LRP1: variants seen among roughly 807,000 people sequenced by gnomAD.
LRP1 encodes LDL receptor related protein 1.
In LRP1, 51 loss-of-function variants were observed where a neutral mutation model predicts 541.5. The observed-to-expected ratio is 0.09, with a 90% CI of 0.08 to 0.12. The LOEUF is 0.12. LRP1 is among the 10% of genes least tolerant of loss of function. The probability of loss-of-function intolerance (pLI) is 1.00; values close to 1 mark genes in which losing one functional copy is unlikely to be tolerated. For synonymous variants in LRP1, 2,219 were observed against 2,470.8 expected (o/e 0.90, Z 3.02); for missense variants, 3,878 against 6,376.2 (o/e 0.61, Z 13.34).
Position 57,159,972 on chromosome 12 carries a change from A to G in LRP1, c.1946A>G (p.His649Arg), listed in dbSNP as rs1592619304. The change falls in exon 12 of 89, where the codon CAC (histidine) becomes CGC (arginine). Residue 649 changes from histidine (H) to arginine (R), a missense_variant. Coordinates refer to ENST00000243077, the MANE Select transcript of LRP1 (RefSeq NM_002332.3). ...ACTTTAATCGAGGGCAAAATGACAC[A>G]CCCCAGGGCTATTGTGGTGGATCCA... ...RKTLIEGKMT[H>R]PRAIVVDPLN... is the part of the protein sequence containing the mutation. 1 of 1,613,872 alleles carries G rather than the reference A, an allele frequency of 6.2e-7. No individual in the cohort carries two copies. The highest frequency in any genetic ancestry group is 8.5e-7 in the Non-Finnish European group (1 of 1,179,952).
chr12:57,155,162 C>T (rs996947910), intron 8 of LRP1: 8 of 266,038 alleles, frequency 3.0e-5, no homozygotes, highest in African/African-American at 1.8e-4. Flanking sequence ...CTAGGACTGT[C>T]CCAGTTTTAG....
intron 1 of LRP1, among the ~76,000 whole-genome samples, chr12:57,134,360 C>T (rs988455585): frequency 5.3e-5 from 8 of 152,186 alleles, no homozygotes; most frequent in Non-Finnish European, 7.3e-5. Context: ...TCTGAGGAGC[C>T]CTGAAGGCCA....
intron 43 of LRP1, 112 bp from the exon 44 acceptor site, chr12:57,191,208 C>T: frequency 8.3e-7 from 1 of 1,197,982 alleles, no homozygotes; most frequent in Non-Finnish European, 1.2e-6. Context: ...AGCAGGATGC[C>T]TCTGCGGGCC....
In LRP1 at chr12:57,164,457, G is replaced by A. The variant is rs554495713; in HGVS notation, c.2531-1348G>A. On this transcript the variant is annotated intron_variant, in intron 15 of 88. Coordinates refer to ENST00000243077, the MANE Select transcript of LRP1 (RefSeq NM_002332.3). ...TAAATTTCACGTAATTTACTCAACC[G>A]TTTCTCTACTGTTGGATGTTTAGGT... 5.3e-5 allele frequency: 8 copies of A among 152,226 alleles called. No homozygotes were observed. In the East Asian group the frequency reaches 5.8e-4, roughly 11 times the overall value. The allele number at this position is 152,226 out of a possible 1,614,324, so 9.4% of individuals were successfully genotyped here.
chr12:57,212,284 T>C lies in LRP1; in HGVS notation c.13494+23T>C. 1.2e-6 allele frequency: 2 copies of C among 1,612,182 alleles called. No individual in the cohort carries two copies. The highest frequency in any genetic ancestry group is 1.1e-5 in the South Asian group (1 of 90,966). ...AAGGTGGGCTGGGAGGCGGGCAGGG[T>C]CGAGTGCCAAGAGGCCGTGGGTGGC... On this transcript the variant is annotated intron_variant, in intron 88 of 88. Transcript: ENST00000243077. This position sits in a 1 kb window ranked among gnomAD's most constrained non-coding sequence, Gnocchi z 5.0.
At position 57,201,883 on chromosome 12, in the gene LRP1, G is replaced by A. The variant is rs765166560; in HGVS notation, c.10572G>A (p.Ser3524=). 6.2e-6 allele frequency: 10 copies of A among 1,614,032 alleles called. No individual in the cohort carries two copies. Among genetic ancestry groups the A allele is most frequent in the South Asian group, 2.2e-5 (2 of 91,080 alleles). The part of the protein sequence containing the change: ...CDGEDDCGDG[S]DEPKEECDER... ...GAGAGGATGACTGTGGGGATGGCTC[G>A]GATGAGCCCAAGGAAGAGTGTGGTG... Residue 3524 remains serine (S), a synonymous_variant, in exon 67 of 89, where the codon TCG becomes TCA. Coordinates refer to ENST00000243077, the MANE Select transcript of LRP1 (RefSeq NM_002332.3). This position sits in a 1 kb window ranked among gnomAD's most constrained non-coding sequence, Gnocchi z 6.4.
chr12:57,193,813 C>A, intron 47 of LRP1, 86 bp from the exon 48 acceptor site: 1 of 1,590,628 alleles, frequency 6.3e-7, no homozygotes, highest in Non-Finnish European at 8.6e-7. Context: ...AGGGCAGGTG[C>A]TGTGGGCCAG....
intron 19 of LRP1, 63 bp from the exon 20 acceptor site, chr12:57,169,077 A>G (rs2035894323): frequency 6.7e-7 from 1 of 1,489,334 alleles, no homozygotes. Context: ...CCAAGCTGGG[A>G]TCACAGAGAA....
chr12:57,210,719 C>T lies in LRP1; in HGVS notation c.12756C>T (p.Gly4252=), dbSNP rs1224176472. The T allele has an allele frequency of 6.2e-7, 1 of 1,607,834 alleles. No homozygotes were observed. The change falls in exon 83 of 89, where the codon GGC becomes GGT. Residue 4252 remains glycine (G), a splice_region_variant and synonymous_variant. Transcript: ENST00000243077. ...NGGTCAASPS[G]MPTCRCPTGF... ...CGCTCACACATCCTCTCCCACCAGG[C>T]ATGCCCACGTGCCGGTGCCCCACGG...
In LRP1 at chr12:57,190,737, C is replaced by T. The variant is rs540760613; in HGVS notation, c.7032-68C>T. 1.2e-5 allele frequency: 18 copies of T among 1,487,444 alleles called. No individual in the cohort carries two copies. In the East Asian group the frequency reaches 3.9e-4, roughly 33 times the overall value. 92.1% of individuals were successfully genotyped at this position (1,487,444 alleles called of 1,614,324 possible). A position where few individuals can be genotyped will look rare whatever the true frequency, so the allele number is the denominator to read the frequency against. On this transcript the variant is annotated intron_variant, in intron 42 of 88. Transcript: ENST00000243077. The stretch of plus-strand genomic sequence containing the variant: ...TTCCAGGTTCCAGGTGCCTACGCGT[C>T]CTGGCCTGTGCCCTCTGTTGTGGAT...
chr12:57,211,666 TCAGTG>T lies in LRP1; in HGVS notation c.13193+80_13194-78del. 6.3e-7 allele frequency: 1 copy of T among 1,584,394 alleles called. No individual in the cohort carries two copies. Among genetic ancestry groups the T allele is most frequent in the Non-Finnish European group, 8.7e-7 (1 of 1,154,772 alleles). On this transcript the variant is annotated intron_variant, in intron 85 of 88. Coordinates refer to ENST00000243077, the MANE Select transcript of LRP1 (RefSeq NM_002332.3). This position sits in a 1 kb window ranked among gnomAD's most constrained non-coding sequence, Gnocchi z 4.3. ...ATTTGAGCAGGAGGACCGTCAGGCC[TCAGTG>T]CCCACCCCCCGCCCTGTTTTCCTGG...
At position 57,202,543 on chromosome 12, in the gene LRP1, T is replaced by TGGGGGCCCCCCCCC; in HGVS notation, c.10711+6_10711+7insGGGGGCCCCCCCCC. 3 of 1,523,634 alleles carry TGGGGGCCCCCCCCC rather than the reference T, an allele frequency of 2.0e-6. No individual in the cohort carries two copies. Among genetic ancestry groups the TGGGGGCCCCCCCCC allele is most frequent in the East Asian group, 2.5e-5 (1 of 40,542 alleles). The allele number at this position is 1,523,634 out of a possible 1,614,324, so 94.4% of individuals were successfully genotyped here. A position where few individuals can be genotyped will look rare whatever the true frequency, so the allele number is the denominator to read the frequency against. On this transcript the variant is annotated splice_region_variant and intron_variant, in intron 68 of 88. Coordinates refer to ENST00000243077, the MANE Select transcript of LRP1 (RefSeq NM_002332.3). Reference sequence around the variant, plus strand: ...CTCCGATGAAGAGAGCTGCAGTACGTCCCCACCCACCCAGCCCCGCATGAG... The same window carrying TGGGGGCCCCCCCCC: ...CTCCGATGAAGAGAGCTGCAGTACGTGGGGGCCCCCCCCCCCCCACCCACCCAGCCCCGCATGAG...
At chr12:57,181,092 G>A (rs1451001496) in intron 33 of LRP1, 65 bp from the exon 34 acceptor site, 4 of 1,575,780 alleles carry the variant, frequency 2.5e-6, no homozygotes, top group South Asian at 1.2e-5. Flanking sequence ...AGCAGCCCAA[G>A]CCTGACCCTG....
chr12:57,174,030 C>T (rs1459049721), intron 22 of LRP1, 50 bp downstream of exon 22: 3 of 1,577,404 alleles, frequency 1.9e-6, no homozygotes, highest in Non-Finnish European at 2.6e-6. Flanking sequence ...GGGTAGGAGT[C>T]TGGGCCAAGG....
chr12:57,203,406 C>T lies in LRP1; in HGVS notation c.10836C>T (p.Arg3612=). 1.9e-6 allele frequency: 3 copies of T among 1,608,716 alleles called. 1 individual carries two copies. Among genetic ancestry groups the T allele is most frequent in the Non-Finnish European group, 2.5e-6 (3 of 1,176,880 alleles). Residue 3612 remains arginine (R), a synonymous_variant, in exon 70 of 89, where the codon CGC becomes CGT. Coordinates refer to ENST00000243077, the MANE Select transcript of LRP1 (RefSeq NM_002332.3). ...DGSDEKDCTP[R]CDMDQFQCKS... ...GCCCACAGAAAGACTGCACCCCCCG[C>T]TGTGACATGGACCAGTTCCAGTGCA...
In LRP1 at chr12:57,175,560, C is replaced by T. The variant is rs1324475066; in HGVS notation, c.3648C>T (p.Pro1216=). 7.4e-6 allele frequency: 12 copies of T among 1,614,170 alleles called. No homozygotes were observed. Among genetic ancestry groups the T allele is most frequent in the East Asian group, 6.7e-5 (3 of 44,890 alleles). Residue 1216 remains proline (P), a synonymous_variant, in exon 23 of 89, where the codon CCC becomes CCT. Coordinates refer to ENST00000243077, the MANE Select transcript of LRP1 (RefSeq NM_002332.3). Reference sequence around the variant, plus strand: ...GCCCTCTGGGCATGGAGCTGGGGCCCGACAACCACACCTGCCAGATCCAGA... The same window carrying T: ...GCCCTCTGGGCATGGAGCTGGGGCCTGACAACCACACCTGCCAGATCCAGA... The part of the protein sequence containing the change: ...CSCPLGMELG[P]DNHTCQIQSY...
chr12:57,210,124 A>T lies in LRP1; in HGVS notation c.12535A>T (p.Asn4179Tyr), dbSNP rs1281375134. Residue 4179 changes from asparagine to tyrosine, a missense_variant, in exon 81 of 89, where the codon AAC (asparagine) becomes TAC (tyrosine). Asn to Tyr is a moderately radical substitution (Grantham distance 143). This residue lies in a region of LRP1 where 871 missense variants were observed against 1,212.4 expected (regional missense o/e 0.72). Coordinates refer to ENST00000243077, the MANE Select transcript of LRP1 (RefSeq NM_002332.3). ...CTCPNGKRLD[N>Y]GTCVPVPSPT... Reference sequence around the variant, plus strand: ...CTGTCCCAATGGGAAGCGGCTGGACAACGGCACATGCGTGCCTGTGCCCTC... The same window carrying T: ...CTGTCCCAATGGGAAGCGGCTGGACTACGGCACATGCGTGCCTGTGCCCTC... 1.2e-6 allele frequency: 2 copies of T among 1,613,044 alleles called. No homozygotes were observed. Among genetic ancestry groups the T allele is most frequent in the East Asian group, 4.5e-5 (2 of 44,898 alleles).
At chr12:57,203,071 G>A (rs553890475) in intron 68 of LRP1, 110 bp from the exon 69 acceptor site, 7 of 798,108 alleles carry the variant, frequency 8.8e-6, no homozygotes, top group Middle Eastern at 2.7e-4. Context: ...TCAGTCAGCT[G>A]TGGCCTTCAG....
chr12:57,176,213 A>G, intron 24 of LRP1, 107 bp downstream of exon 24: 1 of 1,069,698 alleles, frequency 9.3e-7, no homozygotes, highest in Non-Finnish European at 1.4e-6. Context: ...TGGCTCCCCC[A>G]TCCCCCACAC....
Sources: allele counts gnomAD v4.1 joint callset (sites outside exome capture counted in the v4.1 genomes callset), GRCh38; gene constraint gnomAD v4.1.1; regional missense constraint gnomAD v4.1.1; non-coding constraint Gnocchi (gnomAD v3.1); transcripts MANE v1.5; gene names NCBI Gene and HGNC (gene_info 2026-07-23, HGNC 2026-07-21).